WNK2: variants seen among roughly 807,000 people sequenced by gnomAD.
WNK2 encodes the protein serine/threonine-protein kinase WNK2.
WNK2 carries 67 observed loss-of-function variants against 192.1 expected under a neutral mutation model. The observed-to-expected ratio is 0.35, with a 90% CI of 0.29 to 0.43. The LOEUF is 0.43. WNK2 is among the 20% of genes least tolerant of loss of function. The pLI is 1.00. For missense variants in WNK2, 2,698 were observed against 3,089.7 expected (o/e 0.87, Z 3.01); for synonymous variants, 1,439 against 1,393.9 (o/e 1.03, Z -0.72).
chr9:93,282,761 G>C (rs181131813), intron 19 of WNK2, among the ~76,000 whole-genome samples: 2 of 152,144 alleles, frequency 1.3e-5, no homozygotes, highest in African/African-American at 4.8e-5. Flanking sequence ...TTTGGAATAG[G>C]AGACACTCAG....
chr9:93,279,544 G>A (rs1297231191), intron 19 of WNK2, among the ~76,000 whole-genome samples: 1 of 152,142 alleles, frequency 6.6e-6, no homozygotes, highest in Admixed American at 6.5e-5. Context: ...CAGAAGACCA[G>A]CAGTCTTTGT....
Position 93,239,716 on chromosome 9 carries a change from C to G in WNK2, c.1323-41C>G. On this transcript the variant is annotated intron_variant, in intron 6 of 29. Transcript: ENST00000427277. The surrounding 1 kb of genome is among the most constrained non-coding windows in gnomAD (Gnocchi z 4.2). ...ACACAGGAGCCTGGGCATGGAGGCC[C>G]TGGCGCCCGTGCCCCTGCCTGTCAG... 1 of 1,525,312 alleles carries G rather than the reference C, an allele frequency of 6.6e-7. No individual in the cohort carries two copies. The highest frequency in any genetic ancestry group is 8.9e-7 in the Non-Finnish European group (1 of 1,128,226). 94.5% of individuals were successfully genotyped at this position (1,525,312 alleles called of 1,614,324 possible).
chr9:93,243,319 G>A (rs1841098440), intron 7 of WNK2, among the ~76,000 whole-genome samples: 1 of 152,068 alleles, frequency 6.6e-6, no homozygotes, highest in Non-Finnish European at 1.5e-5. Flanking sequence ...CTCCTGCAGG[G>A]TCATTGTGGA....
rs1284112905 is a variant in WNK2, at chr9:93,297,965, C to G, written c.5821C>G (p.Pro1941Ala). 8.3e-6 allele frequency: 13 copies of G among 1,575,348 alleles called. No individual in the cohort carries two copies. The highest frequency in any genetic ancestry group is 1.1e-5 in the Non-Finnish European group (13 of 1,161,802). ...CAACGTGGGCTTCTTCCACACGGCA[C>G]CCCCCACTGGCCGCCGGAGAAAAAC... ...PPNVGFFHTA[P>A]PTGRRRKTSK... Residue 1941 changes from proline (P) to alanine (A), a missense_variant, in exon 24 of 30, where the codon CCC becomes GCC. Around this residue, in one of 7 missense-constraint regions of WNK2, gnomAD observed 1,098 missense variants for 1,101.0 expected, o/e 1.00. Transcript: ENST00000427277.
rs1408376408 is a variant in WNK2, at chr9:93,263,561, C to G, written c.3411-5C>G. 5 of 1,611,280 alleles carry G rather than the reference C, an allele frequency of 3.1e-6. No homozygotes were observed. Among genetic ancestry groups the G allele is most frequent in the African/African-American group, 2.7e-5 (2 of 74,760 alleles). On this transcript the variant is annotated splice_region_variant and splice_polypyrimidine_tract_variant and intron_variant, in intron 14 of 29. Transcript: ENST00000427277. ...GTGCCATTAATGTTCTTGGGTTTTG[C>G]TCAGCTATGGAGGTTCTGATGTCAC... is the stretch of plus-strand genomic sequence containing the variant.
At chr9:93,232,985 AGGC>A (rs1473262908) in intron 4 of WNK2, among the ~76,000 whole-genome samples, 2 of 147,140 alleles carry the variant, frequency 1.4e-5, no homozygotes, top group Non-Finnish European at 3.0e-5. Context: ...AAAAAAAAAA[AGGC>A]GGGGGAAGGA....
At chr9:93,194,259 C>T (rs558401781) in intron 2 of WNK2, among the ~76,000 whole-genome samples, 2 of 152,138 alleles carry the variant, frequency 1.3e-5, no homozygotes, top group Non-Finnish European at 2.9e-5. Context: ...AAGACACTGT[C>T]AAGACAATGA....
Position 93,239,350 on chromosome 9 carries a change from G to A in WNK2, c.1323-407G>A, listed in dbSNP as rs1840357498. Among the ~76,000 whole-genome samples, 4 of 152,218 alleles carry A rather than the reference G, an allele frequency of 2.6e-5. No homozygotes were observed. On this transcript the variant is annotated intron_variant, in intron 6 of 29. Coordinates refer to ENST00000427277, the MANE Select transcript of WNK2 (RefSeq NM_006648.4). This position sits in a 1 kb window ranked among gnomAD's most constrained non-coding sequence, Gnocchi z 4.2. Reference sequence around the variant, plus strand: ...GCACAGGGAGCTCAGAGCGTGGGGGGCTCCGCCTCTGTGTCCATTTTAGAC... The same window carrying A: ...GCACAGGGAGCTCAGAGCGTGGGGGACTCCGCCTCTGTGTCCATTTTAGAC...
intron 2 of WNK2, among the ~76,000 whole-genome samples, chr9:93,223,852 A>C (rs1194705858): frequency 1.3e-5 from 2 of 152,234 alleles, no homozygotes; most frequent in Non-Finnish European, 2.9e-5. Flanking sequence ...TGGAGGGAAC[A>C]GAAGGGGACA....
chr9:93,304,057 C>G (rs1852066579), intron 26 of WNK2, among the ~76,000 whole-genome samples: 1 of 152,140 alleles, frequency 6.6e-6, no homozygotes, highest in Admixed American at 6.5e-5. Flanking sequence ...CAGTATTGAG[C>G]CCTGTGAGGT....
Position 93,229,762 on chromosome 9 carries a change from C to A in WNK2, c.748C>A (p.Gln250Lys), listed in dbSNP as rs201290341. 8.2e-5 allele frequency: 132 copies of A among 1,613,664 alleles called. No homozygotes were observed. Among genetic ancestry groups the A allele is most frequent in the Non-Finnish European group, 1.0e-4 (121 of 1,179,836 alleles). The change falls in exon 3 of 30, where the codon CAG (glutamine) becomes AAG (lysine). Residue 250 changes from glutamine (Q) to lysine (K), a missense_variant. Coordinates refer to ENST00000427277, the MANE Select transcript of WNK2 (RefSeq NM_006648.4). The surrounding 1 kb of genome is among the most constrained non-coding windows in gnomAD (Gnocchi z 4.9). The stretch of plus-strand genomic sequence containing the variant: ...AGAGGCTGAGATGCTGAAAGGCCTG[C>A]AGCACCCCAACATCGTGCGCTTCTA... The part of the protein sequence containing the change: ...KEEAEMLKGL[Q>K]HPNIVRFYDF...
At chr9:93,217,507 G>A (rs368153608) in intron 2 of WNK2, among the ~76,000 whole-genome samples, 20 of 152,298 alleles carry the variant, frequency 1.3e-4, no homozygotes, top group Admixed American at 2.6e-4. Flanking sequence ...TGTACCTGCC[G>A]TCTCGGTTGT....
intron 23 of WNK2, among the ~76,000 whole-genome samples, chr9:93,296,312 T>C (rs1008064010): frequency 3.0e-4 from 1 of 3,372 alleles, no homozygotes; most frequent in Admixed American, 3.4e-3. Context: ...CCCCTCCATC[T>C]TCCCCTCTCC....
At chr9:93,278,403 G>T (rs985096844) in intron 19 of WNK2, among the ~76,000 whole-genome samples, 3 of 152,216 alleles carry the variant, frequency 2.0e-5, no homozygotes, top group Admixed American at 6.5e-5. Flanking sequence ...GTGGACCCGG[G>T]AACTCACACA....
chr9:93,246,170 G>T (rs1223195356), intron 7 of WNK2, among the ~76,000 whole-genome samples: 1 of 152,102 alleles, frequency 6.6e-6, no homozygotes, highest in Non-Finnish European at 1.5e-5. Flanking sequence ...TCATTTTGAT[G>T]CTCAAAATGC....
rs12346137 is a variant in WNK2, at chr9:93,306,623, G to A, written c.6215-154G>A. 8,357 of 957,164 alleles carry A rather than the reference G, an allele frequency of 8.7e-3. 41 individuals are homozygous for A. Among genetic ancestry groups the A allele is most frequent in the Non-Finnish European group, 0.012 (7,218 of 608,046 alleles). 59.3% of individuals were successfully genotyped at this position (957,164 alleles called of 1,614,324 possible). A position where few individuals can be genotyped will look rare whatever the true frequency, so the allele number is the denominator to read the frequency against. Reference sequence around the variant, plus strand: ...GCACCCTCTCTCCAGGGGCTGCCCCGTTTCCCCCGGCCGGGTCGGCCCTCT... The same window carrying A: ...GCACCCTCTCTCCAGGGGCTGCCCCATTTCCCCCGGCCGGGTCGGCCCTCT... On this transcript the variant is annotated intron_variant, in intron 26 of 29. Transcript: ENST00000427277.
At chr9:93,316,096 G>A (rs78835228) in intron 28 of WNK2, 44 of 152,278 alleles carry the variant, frequency 2.9e-4, no homozygotes, top group African/African-American at 8.2e-4. Context: ...TCAAGTGGTC[G>A]TCTGTGTGTA....
intron 18 of WNK2, among the ~76,000 whole-genome samples, chr9:93,268,278 A>C (rs1361827301): frequency 1.3e-5 from 2 of 152,092 alleles, no homozygotes; most frequent in East Asian, 3.9e-4. Flanking sequence ...CATCCCAGGA[A>C]CCAAGCCTAC....
intron 28 of WNK2, 84 bp downstream of exon 28, chr9:93,308,668 G>A (rs1853073460): frequency 7.0e-7 from 1 of 1,423,154 alleles, no homozygotes; most frequent in South Asian, 1.4e-5. Flanking sequence ...TGTGGCAGAG[G>A]GGTGTCCAGT....
Sources: allele counts gnomAD v4.1 joint callset (sites outside exome capture counted in the v4.1 genomes callset), GRCh38; gene constraint gnomAD v4.1.1; regional missense constraint gnomAD v4.1.1; non-coding constraint Gnocchi (gnomAD v3.1); transcripts MANE v1.5; gene names NCBI Gene and HGNC (gene_info 2026-07-23, HGNC 2026-07-21).